ITGA4: variants seen among roughly 807,000 people sequenced by gnomAD.
ITGA4 encodes integrin subunit alpha 4, also known as integrin alpha-4.
Under a neutral mutation model 133.6 loss-of-function variants are expected in ITGA4, and 63 were observed. That is an observed-to-expected ratio of 0.47 (90% CI 0.38 to 0.58). The LOEUF is 0.58. Among genes scored for constraint, ITGA4 ranks in the 20% least tolerant of loss-of-function variants. The pLI, the probability that ITGA4 is intolerant of heterozygous loss-of-function variation, is 0.00. For synonymous variants in ITGA4, 483 were observed against 438.0 expected, an observed-to-expected ratio of 1.10 and a Z score of -1.28; for missense variants, 1,076 against 1,252.7, an observed-to-expected ratio of 0.86 and a Z score of 2.13.
At chr2:181,522,480 T>C in intron 18 of ITGA4, 139 bp downstream of exon 18, 1 of 576,708 alleles carries the variant, frequency 1.7e-6, no homozygotes, top group South Asian at 3.3e-5. Flanking sequence ...AGACTTACTC[T>C]GTGCCCCTGC....
intron 17 of ITGA4, among the ~76,000 whole-genome samples, chr2:181,521,848 A>G (rs184022176): frequency 2.5e-4 from 38 of 152,280 alleles, no homozygotes; most frequent in Non-Finnish European, 4.9e-4. Flanking sequence ...GAAAAGAAAA[A>G]CTGCTTTGCC....
intron 2 of ITGA4, among the ~76,000 whole-genome samples, chr2:181,460,564 A>AT (rs774251091): frequency 5.9e-5 from 4 of 68,294 alleles, no homozygotes; most frequent in Non-Finnish European, 9.3e-5. Flanking sequence ...CTTCTGTAGA[A>AT]GAGTGTGTGT....
chr2:181,460,130 T>C (rs1423020446), intron 2 of ITGA4, among the ~76,000 whole-genome samples: 1 of 152,302 alleles, frequency 6.6e-6, no homozygotes, highest in Non-Finnish European at 1.5e-5. Context: ...ATGAGTAAGA[T>C]AATTGATTAG....
At chr2:181,470,817 G>T (rs1456643276) in intron 2 of ITGA4, among the ~76,000 whole-genome samples, 1 of 152,160 alleles carries the variant, frequency 6.6e-6, no homozygotes, top group African/African-American at 2.4e-5. Context: ...TGAGGCTGCA[G>T]TGAGCTATGA....
chr2:181,498,602 C>T, intron 14 of ITGA4, 21 bp from the exon 15 acceptor site: 8 of 1,499,518 alleles, frequency 5.3e-6, no homozygotes, highest in Non-Finnish European at 7.3e-6. Flanking sequence ...AGATTAATTG[C>T]AATTCTCTAT....
At chr2:181,475,897 G>C in intron 4 of ITGA4, 1 of 1,560,762 alleles carries the variant, frequency 6.4e-7, no homozygotes. Flanking sequence ...GCATGTCAGA[G>C]GATATCTGCA....
In ITGA4 at chr2:181,492,670, A is replaced by C. The variant is rs188104910; in HGVS notation, c.1154-655A>C. Among the ~76,000 whole-genome samples, 265 of 152,280 alleles carry C rather than the reference A, an allele frequency of 1.7e-3. 1 individual carries two copies. Among genetic ancestry groups the C allele is most frequent in the African/African-American group, 5.9e-3 (247 of 41,558 alleles). On this transcript the variant is annotated intron_variant, in intron 10 of 27. Coordinates refer to ENST00000397033, the MANE Select transcript of ITGA4 (RefSeq NM_000885.6). ...TTTTTTCCCTTGGTATCATAGTCTG[A>C]CATAATTATCAATAATACAGAAAGG...
chr2:181,531,432 T>C (rs1048641181), intron 24 of ITGA4, among the ~76,000 whole-genome samples: 3 of 152,162 alleles, frequency 2.0e-5, no homozygotes, highest in African/African-American at 4.8e-5. Context: ...AATAAGAACA[T>C]ATGCTGCAGT....
At chr2:181,469,011 G>A (rs142920011) in intron 2 of ITGA4, among the ~76,000 whole-genome samples, 2 of 152,134 alleles carry the variant, frequency 1.3e-5, no homozygotes, top group African/African-American at 2.4e-5. Context: ...GAGTTTAGAT[G>A]AGTAATTTAT....
At chr2:181,458,422 T>A in intron 2 of ITGA4, 105 bp downstream of exon 2, 1 of 1,381,992 alleles carries the variant, frequency 7.2e-7, no homozygotes, top group Non-Finnish European at 1.0e-6. Flanking sequence ...TACTTCTGGT[T>A]TAAAGAGCAT....
intron 15 of ITGA4, among the ~76,000 whole-genome samples, chr2:181,506,360 C>G (rs1192305216): frequency 6.6e-6 from 1 of 152,030 alleles, no homozygotes; most frequent in East Asian, 1.9e-4. Flanking sequence ...TTAATCATCA[C>G]AACAGTAAGG....
At chr2:181,468,103 C>G (rs1685463476) in intron 2 of ITGA4, among the ~76,000 whole-genome samples, 1 of 152,192 alleles carries the variant, frequency 6.6e-6, no homozygotes, top group Non-Finnish European at 1.5e-5. Context: ...AAGCACGTCA[C>G]ACATATCTCA....
At chr2:181,470,402 T>G (rs1417948237) in intron 2 of ITGA4, among the ~76,000 whole-genome samples, 1 of 152,140 alleles carries the variant, frequency 6.6e-6, no homozygotes, top group Non-Finnish European at 1.5e-5. Context: ...ACCCCTGAGC[T>G]ACATTGTAGA....
In ITGA4 at chr2:181,538,182, T is replaced by TGTTA. The variant is rs778707393; in HGVS notation, c.*2656_*2659dup. The TGTTA allele has an allele frequency of 3.2e-6, 5 of 1,555,536 alleles. No individual in the cohort carries two copies. The East Asian group carries it at 1.1e-4, about 35-fold the overall frequency. ...TACATTTCTTTTAGAAACAATTACA[T>TGTTA]GTTACTTTGGAATCATTTCTTCCAT... On this transcript the variant is annotated 3_prime_UTR_variant, in exon 28 of 28. Coordinates refer to ENST00000397033, the MANE Select transcript of ITGA4 (RefSeq NM_000885.6).
Position 181,482,369 on chromosome 2 carries a change from T to G in ITGA4, c.850T>G (p.Phe284Val). The change falls in exon 8 of 28, where the codon TTC becomes GTC. Residue 284 changes from phenylalanine (F) to valine (V), a missense_variant. Around this residue, in one of 4 missense-constraint regions of ITGA4, gnomAD observed 436 missense variants for 590.7 expected, o/e 0.74. Transcript: ENST00000397033. ...QHEQIGKAYIFSIDEKELNIL... is the reference protein window; with the variant it reads ...QHEQIGKAYIVSIDEKELNIL... ...CTTTCCCTAATTACAGGCATATATATTCAGCATTGATGAAAAAGAACTAAA... is the reference window on the plus strand; with the variant it reads ...CTTTCCCTAATTACAGGCATATATAGTCAGCATTGATGAAAAAGAACTAAA... The G allele has an allele frequency of 6.2e-7, 1 of 1,611,858 alleles. No individual in the cohort carries two copies. Among genetic ancestry groups the G allele is most frequent in the Non-Finnish European group, 8.5e-7 (1 of 1,178,776 alleles).
At chr2:181,489,874 G>T (rs1036192509) in intron 10 of ITGA4, among the ~76,000 whole-genome samples, 1 of 152,098 alleles carries the variant, frequency 6.6e-6, no homozygotes, top group Non-Finnish European at 1.5e-5. Context: ...AAACTCTTCG[G>T]ACGCCGAGTT....
Position 181,534,268 on chromosome 2 carries a change from A to G in ITGA4, c.2785-4A>G. 3.8e-6 allele frequency: 6 copies of G among 1,561,792 alleles called. No individual in the cohort carries two copies. Among genetic ancestry groups the G allele is most frequent in the Non-Finnish European group, 5.3e-6 (6 of 1,133,084 alleles). Reference sequence around the variant, plus strand: ...GCTATGGTGATCCTTCTTTTATTAAACAGGATGAGACTTCAGCACTCAAGT... The same window carrying G: ...GCTATGGTGATCCTTCTTTTATTAAGCAGGATGAGACTTCAGCACTCAAGT... On this transcript the variant is annotated splice_region_variant and splice_polypyrimidine_tract_variant and intron_variant, in intron 25 of 27. Transcript: ENST00000397033.
At chr2:181,514,458 AC>A (rs1386852172) in intron 17 of ITGA4, among the ~76,000 whole-genome samples, 1 of 152,084 alleles carries the variant, frequency 6.6e-6, no homozygotes, top group African/African-American at 2.4e-5. Context: ...TGGATTTTAT[AC>A]TTAAATTACC....
intron 17 of ITGA4, among the ~76,000 whole-genome samples, chr2:181,520,161 T>C (rs1229133773): frequency 6.6e-6 from 1 of 152,046 alleles, no homozygotes; most frequent in Non-Finnish European, 1.5e-5. Flanking sequence ...GGGAGAGCAA[T>C]GCAGGGTGAA....
Sources: allele counts gnomAD v4.1 joint callset (sites outside exome capture counted in the v4.1 genomes callset), GRCh38; gene constraint gnomAD v4.1.1; regional missense constraint gnomAD v4.1.1; transcripts MANE v1.5; gene names NCBI Gene and HGNC (gene_info 2026-07-23, HGNC 2026-07-21).